The following GPR155 variants were observed in gnomAD, a reference collection of about 807,000 sequenced individuals.
GPR155 encodes the protein lysosomal cholesterol signaling protein.
In GPR155, 65 loss-of-function variants were observed where a neutral mutation model predicts 93.1. The ratio of observed to expected loss-of-function variants is 0.70; its 90% CI spans 0.57 to 0.86. The LOEUF is 0.86. Among genes scored for constraint, GPR155 ranks in the 40% least tolerant of loss-of-function variants. The pLI, the probability that GPR155 is intolerant of heterozygous loss-of-function variation, is 0.00. For missense variants in GPR155, 838 were observed against 1,034.8 expected (o/e 0.81, Z 2.61); for synonymous variants, 319 against 360.1 (o/e 0.89, Z 1.29).
chr2:174,460,807 A>G (rs1026271051), intron 9 of GPR155, among the ~76,000 whole-genome samples: 10 of 152,254 alleles, frequency 6.6e-5, no homozygotes, highest in African/African-American at 2.2e-4. Flanking sequence ...TTTATTGAGC[A>G]CTAACCAGAT....
Position 174,433,582 on chromosome 2 carries a change from G to A in GPR155, c.*2534C>T, listed in dbSNP as rs1686696183. 6.6e-6 allele frequency: 1 copy of A among 152,186 alleles called. No individual in the cohort carries two copies. Among genetic ancestry groups the A allele is most frequent in the Non-Finnish European group, 1.5e-5 (1 of 68,046 alleles). 9.4% of individuals were successfully genotyped at this position (152,186 alleles called of 1,614,324 possible). A position where few individuals can be genotyped will look rare whatever the true frequency, so the allele number is the denominator to read the frequency against. Reference sequence around the variant, plus strand: ...TTGAAGTCACATCCTCAATGTGTTAGTATTAGGAGGTAGGGCCTTTGAGAG... The same window carrying A: ...TTGAAGTCACATCCTCAATGTGTTAATATTAGGAGGTAGGGCCTTTGAGAG... On this transcript the variant is annotated 3_prime_UTR_variant, in exon 16 of 16. Coordinates refer to ENST00000392552, the MANE Select transcript of GPR155 (RefSeq NM_152529.7).
intron 3 of GPR155, 99 bp downstream of exon 3, chr2:174,472,866 A>G (rs1467246661): frequency 1.1e-6 from 1 of 886,374 alleles, no homozygotes; most frequent in East Asian, 2.5e-5. Flanking sequence ...GGGGTTATTA[A>G]TATTCAAAGG....
At chr2:174,461,527 A>G in intron 8 of GPR155, 35 bp from the exon 9 acceptor site, 1 of 1,573,896 alleles carries the variant, frequency 6.4e-7, no homozygotes, top group Non-Finnish European at 8.7e-7. Context: ...GAGAAAAAGA[A>G]AGGATGAATA....
intron 11 of GPR155, among the ~76,000 whole-genome samples, chr2:174,449,528 A>C (rs1687255502): frequency 6.6e-6 from 1 of 152,230 alleles, no homozygotes; most frequent in Non-Finnish European, 1.5e-5. Flanking sequence ...CATATATACC[A>C]TGGAATACTA....
At chr2:174,463,007 T>C (rs1687744247) in intron 7 of GPR155, among the ~76,000 whole-genome samples, 1 of 152,178 alleles carries the variant, frequency 6.6e-6, no homozygotes, top group Non-Finnish European at 1.5e-5. Context: ...ACAAGCTAAA[T>C]TCTTTGTTTC....
intron 14 of GPR155, among the ~76,000 whole-genome samples, 197 bp from the exon 15 acceptor site, chr2:174,440,232 C>T (rs1037159946): frequency 4.6e-5 from 7 of 152,120 alleles, no homozygotes; most frequent in Non-Finnish European, 1.0e-4. Flanking sequence ...GAAGCAAAAA[C>T]ATTCTACATT....
At chr2:174,452,680 C>T (rs1406095752) in intron 11 of GPR155, among the ~76,000 whole-genome samples, 1 of 151,970 alleles carries the variant, frequency 6.6e-6, no homozygotes, top group African/African-American at 2.4e-5. Context: ...GAGTCTTGCT[C>T]TGTCACCTAG....
chr2:174,440,092 T>C, intron 14 of GPR155, 57 bp from the exon 15 acceptor site: 1 of 1,454,638 alleles, frequency 6.9e-7, no homozygotes, highest in Non-Finnish European at 9.5e-7. Flanking sequence ...GAGAGAACTC[T>C]TCCTGCCTTA....
rs1190512870 is a variant in GPR155, at chr2:174,461,656, A to C, written c.1401T>G (p.Ser467=). 6.3e-7 allele frequency: 1 copy of C among 1,592,002 alleles called. No individual in the cohort carries two copies. The highest frequency in any genetic ancestry group is 1.1e-5 in the South Asian group (1 of 90,572). Residue 467 remains serine, a synonymous_variant, in exon 8 of 16, where the codon TCT becomes TCG. Coordinates refer to ENST00000392552, the MANE Select transcript of GPR155 (RefSeq NM_152529.7). ...TYLWTGLLAI[S]LFLLKKRERV... ...TCTCTCGCTTTTTCAAAAGAAACAA[A>C]GAAATTGCTAGAAGGCCTAAGAATA...
chr2:174,444,851 A>C (rs1687070079), intron 13 of GPR155, among the ~76,000 whole-genome samples: 1 of 152,118 alleles, frequency 6.6e-6, no homozygotes, highest in African/African-American at 2.4e-5. Flanking sequence ...TTTCTGGTGG[A>C]AGCACTCAGC....
At chr2:174,446,476 C>T (rs752804416) in intron 12 of GPR155, 135 bp downstream of exon 12, 71 of 711,658 alleles carry the variant, frequency 1.0e-4, no homozygotes, top group Non-Finnish European at 1.4e-4. Flanking sequence ...TTATTTAGCT[C>T]AAGATCCAAA....
intron 14 of GPR155, among the ~76,000 whole-genome samples, chr2:174,441,208 T>A (rs1686948602): frequency 6.6e-6 from 1 of 152,068 alleles, no homozygotes; most frequent in Non-Finnish European, 1.5e-5. Context: ...ATCTTTTTTT[T>A]AAGCATAATA....
rs894934589 is a variant in GPR155, at chr2:174,478,755, T to C, written c.460+2742A>G. Among the ~76,000 whole-genome samples, 6 of 151,984 alleles carry C rather than the reference T, an allele frequency of 3.9e-5. 1 individual carries two copies. The South Asian group carries it at 1.2e-3, about 32-fold the overall frequency. Reference sequence around the variant, plus strand: ...TAAAAAGGACATTTCTTATAACCCATGATCGATGCTTGTCTGTGAGCAAGA... The same window carrying C: ...TAAAAAGGACATTTCTTATAACCCACGATCGATGCTTGTCTGTGAGCAAGA... On this transcript the variant is annotated intron_variant, in intron 2 of 15. Coordinates refer to ENST00000392552, the MANE Select transcript of GPR155 (RefSeq NM_152529.7).
chr2:174,468,995 A>T lies in GPR155; in HGVS notation c.1099T>A (p.Phe367Ile), dbSNP rs1283060713. The T allele has an allele frequency of 4.3e-6, 7 of 1,614,068 alleles. No homozygotes were observed. The highest frequency in any genetic ancestry group is 5.9e-6 in the Non-Finnish European group (7 of 1,179,912). Residue 367 changes from phenylalanine (F) to isoleucine (I), a missense_variant, in exon 5 of 16, where the codon TTT (phenylalanine) becomes ATT (isoleucine). Around this residue, in one of 3 missense-constraint regions of GPR155, gnomAD observed 663 missense variants for 790.1 expected, o/e 0.84. Transcript: ENST00000392552. The stretch of plus-strand genomic sequence containing the variant: ...AATGGCTTAGGGTCCATAGTGGGAA[A>T]GGTCAGTAACCAGGCAGAAACGTAC... Reference protein sequence around the residue: ...IMYVSAWLLTFPTMDPKPLAY... With the variant: ...IMYVSAWLLTIPTMDPKPLAY...
At chr2:174,476,269 T>C (rs190235250) in intron 2 of GPR155, among the ~76,000 whole-genome samples, 8 of 152,300 alleles carry the variant, frequency 5.3e-5, no homozygotes, top group African/African-American at 1.9e-4. Flanking sequence ...TTTCAAAAGG[T>C]AAGATTTTCT....
In GPR155 at chr2:174,465,899, T is replaced by C. The variant is rs1220147189; in HGVS notation, c.1270A>G (p.Ile424Val). Residue 424 changes from isoleucine (I) to valine (V), a missense_variant, in exon 7 of 16, where the codon ATT becomes GTT. By Grantham distance (29) the Ile-to-Val change is conservative (BLOSUM62 3). Coordinates refer to ENST00000392552, the MANE Select transcript of GPR155 (RefSeq NM_152529.7). ...LTTNLLIAQS[I>V]VCAGMMIWNF... ...CATATCATCATTCCAGCACAGACAA[T>C]AGACTAAGGAAAAAATTATTAAAAG... is the stretch of plus-strand genomic sequence containing the variant. 2 of 1,418,164 alleles carry C rather than the reference T, an allele frequency of 1.4e-6. No homozygotes were observed. The highest frequency in any genetic ancestry group is 2.0e-6 in the Non-Finnish European group (2 of 1,010,766). 87.8% of individuals were successfully genotyped at this position (1,418,164 alleles called of 1,614,324 possible). A position where few individuals can be genotyped will look rare whatever the true frequency, so the allele number is the denominator to read the frequency against.
At chr2:174,459,570 C>G (rs1687619568) in intron 10 of GPR155, among the ~76,000 whole-genome samples, 1 of 152,146 alleles carries the variant, frequency 6.6e-6, no homozygotes, top group Non-Finnish European at 1.5e-5. Flanking sequence ...ATTTAAAGAT[C>G]AGGCTGGCTC....
Position 174,468,941 on chromosome 2 carries a change from C to T in GPR155, c.1153G>A (p.Asp385Asn), listed in dbSNP as rs758066722. The change falls in exon 5 of 16, where the codon GAT becomes AAT. Residue 385 changes from aspartate (D) to asparagine (N), a missense_variant. Coordinates refer to ENST00000392552, the MANE Select transcript of GPR155 (RefSeq NM_152529.7). ...LAYAIQNVSF[D>N]ISIVSLISLI... The stretch of plus-strand genomic sequence containing the variant: ...GAGATCAGGCTGACAATACTTATAT[C>T]AAAACTAACATTCTGGATGGCATAT... 1 of 1,613,928 alleles carries T rather than the reference C, an allele frequency of 6.2e-7. No individual in the cohort carries two copies. The highest frequency in any genetic ancestry group is 8.5e-7 in the Non-Finnish European group (1 of 1,179,862).
Position 174,461,596 on chromosome 2 carries a change from A to AGATATTAT in GPR155, c.1453_1460dup (p.Gly488Ter), listed in dbSNP as rs750463319. The AGATATTAT allele has an allele frequency of 5.0e-6, 8 of 1,607,376 alleles. No homozygotes were observed. Among genetic ancestry groups the AGATATTAT allele is most frequent in the Non-Finnish European group, 6.8e-6 (8 of 1,174,082 alleles). ...GAGAACTACCAACTTACCCCCAGCCAGATATTATGATTATTCCAACAGGAA... is the reference window on the plus strand; with the variant it reads ...GAGAACTACCAACTTACCCCCAGCCAGATATTATGATATTATGATTATTCCAACAGGAA... On this transcript the variant is annotated stop_gained and frameshift_variant, in exon 8 of 16. Transcript: ENST00000392552. LOFTEE classifies it high-confidence loss of function.
Sources: gnomAD v4.1 joint callset for allele counts (sites outside exome capture counted in the v4.1 genomes callset) on GRCh38, gnomAD v4.1.1 for gene constraint, gnomAD v4.1.1 regional missense constraint, MANE v1.5 for transcripts, NCBI Gene and HGNC (gene_info 2026-07-23, HGNC 2026-07-21) for gene names.